TDRD12: variants seen among roughly 807,000 people sequenced by gnomAD.
The protein encoded by TDRD12 is putative ATP-dependent RNA helicase TDRD12.
In TDRD12, 158 loss-of-function variants were observed where a neutral mutation model predicts 133.5. The observed-to-expected ratio is 1.18, with a 90% confidence interval of 1.04 to 1.35. The LOEUF is 1.35. Ranked by LOEUF, TDRD12 falls within the 40% of genes most tolerant of loss-of-function variation. The pLI, the probability that TDRD12 is intolerant of heterozygous loss-of-function variation, is 0.00. For missense variants in TDRD12, 1,443 were observed against 1,321.3 expected, an observed-to-expected ratio of 1.09 and a Z score of -1.43; for synonymous variants, 460 against 477.9, an observed-to-expected ratio of 0.96 and a Z score of 0.49.
intron 2 of TDRD12, 102 bp downstream of exon 2, chr19:32,731,985 T>C: frequency 8.2e-7 from 1 of 1,214,592 alleles, no homozygotes; most frequent in Non-Finnish European, 1.1e-6. Flanking sequence ...AGTATTTTAG[T>C]TTCTTACACT....
intron 6 of TDRD12, among the ~76,000 whole-genome samples, chr19:32,753,813 G>A (rs964464162): frequency 6.6e-5 from 10 of 151,642 alleles, no homozygotes; most frequent in Admixed American, 2.6e-4. Flanking sequence ...CACCACGCCC[G>A]GCTGGCCCCT....
chr19:32,787,035 G>T (rs753331445), intron 11 of TDRD12, among the ~76,000 whole-genome samples: 2 of 152,132 alleles, frequency 1.3e-5, no homozygotes, highest in African/African-American at 2.4e-5. Context: ...CAGCCTTTTT[G>T]CTCTGGTTTC....
At chr19:32,781,970 C>CT (rs1555772137) in intron 11 of TDRD12, among the ~76,000 whole-genome samples, 38 of 148,942 alleles carry the variant, frequency 2.6e-4, no homozygotes, top group East Asian at 2.0e-4. Flanking sequence ...ATATATTTTT[C>CT]TTTTTTTTTT....
intron 17 of TDRD12, 75 bp downstream of exon 17, chr19:32,800,433 C>A: frequency 2.6e-6 from 3 of 1,173,120 alleles, no homozygotes; most frequent in Non-Finnish European, 3.4e-6. Context: ...TGAACACAAG[C>A]AAGTAACTTT....
intron 14 of TDRD12, among the ~76,000 whole-genome samples, chr19:32,795,043 T>C (rs1010439221): frequency 4.6e-5 from 7 of 151,746 alleles, no homozygotes; most frequent in African/African-American, 1.7e-4. Context: ...CTTTTAGAAA[T>C]GGATATGGAG....
intron 11 of TDRD12, among the ~76,000 whole-genome samples, chr19:32,788,611 G>T (rs556067814): frequency 1.3e-5 from 2 of 152,178 alleles, no homozygotes; most frequent in African/African-American, 4.8e-5. Flanking sequence ...TGATTTTTGT[G>T]GGGGAGTTTT....
chr19:32,734,402 ACT>A (rs1473870379), intron 2 of TDRD12, among the ~76,000 whole-genome samples: 1 of 143,604 alleles, frequency 7.0e-6, no homozygotes, highest in East Asian at 2.0e-4. Context: ...TGGGGGTCTC[ACT>A]CTGTCACCCA....
Position 32,777,148 on chromosome 19 carries a change from G to C in TDRD12, c.1041-1G>C. Reference sequence around the variant, plus strand: ...AATGAATTTTTTTTTTTCATTTCTAGTGCTTTAAGTCAGAAGTCAAATGAG... The same window carrying C: ...AATGAATTTTTTTTTTTCATTTCTACTGCTTTAAGTCAGAAGTCAAATGAG... On this transcript the variant is annotated splice_acceptor_variant, in intron 10 of 27. Coordinates refer to ENST00000444215, the Ensembl canonical transcript of TDRD12. LOFTEE classifies it high-confidence loss of function. 6.5e-7 allele frequency: 1 copy of C among 1,530,194 alleles called. No homozygotes were observed. The highest frequency in any genetic ancestry group is 8.8e-7 in the Non-Finnish European group (1 of 1,138,264). The allele number at this position is 1,530,194 out of a possible 1,614,324, so 94.8% of individuals were successfully genotyped here. A position where few individuals can be genotyped will look rare whatever the true frequency, so the allele number is the denominator to read the frequency against.
intron 2 of TDRD12, among the ~76,000 whole-genome samples, chr19:32,733,163 C>G (rs996787205): frequency 2.0e-5 from 3 of 151,948 alleles, no homozygotes; most frequent in African/African-American, 7.3e-5. Context: ...GACAGCGAGA[C>G]TGTCTCTTAA....
At chr19:32,743,983 G>A (rs183139480) in intron 4 of TDRD12, among the ~76,000 whole-genome samples, 293 of 144,778 alleles carry the variant, frequency 2.0e-3, no homozygotes, top group African/African-American at 7.2e-3. Context: ...AGCCGAAATC[G>A]CACCACTGCA....
At chr19:32,744,074 G>T (rs895615705) in intron 4 of TDRD12, among the ~76,000 whole-genome samples, 1 of 150,178 alleles carries the variant, frequency 6.7e-6, no homozygotes, top group Admixed American at 6.6e-5. Flanking sequence ...GTCAACATAC[G>T]TATCTCTTCT....
chr19:32,811,396 C>A (rs1461288535), exon 24 of TDRD12: 21 of 1,536,138 alleles, frequency 1.4e-5, no homozygotes, highest in Non-Finnish European at 1.8e-5. Flanking sequence ...AACCTGCTGA[C>A]AACGAAATAG....
intron 1 of TDRD12, among the ~76,000 whole-genome samples, chr19:32,720,381 C>A (rs1409479942): frequency 1.5e-5 from 1 of 65,908 alleles, no homozygotes; most frequent in Non-Finnish European, 3.1e-5. Flanking sequence ...TCCCCCAACC[C>A]ACACATCCTC....
At chr19:32,817,792 C>A (rs1262353892) in intron 26 of TDRD12, among the ~76,000 whole-genome samples, 2 of 151,046 alleles carry the variant, frequency 1.3e-5, no homozygotes, top group African/African-American at 4.9e-5. Context: ...CAGGTCTCTT[C>A]AGGGCTCTTC....
chr19:32,756,331 G>GTA (rs1969991761), intron 7 of TDRD12, 150 bp downstream of exon 7: 4 of 668,900 alleles, frequency 6.0e-6, no homozygotes, highest in Non-Finnish European at 8.9e-6. Flanking sequence ...GTGACACATT[G>GTA]TAAGGTCTTA....
exon 2 of TDRD12, chr19:32,731,765 G>T (rs1447006105): frequency 6.4e-7 from 1 of 1,550,600 alleles, no homozygotes; most frequent in East Asian, 2.4e-5. Context: ...ATAAAAGGGT[G>T]TAGTCCCTTT....
chr19:32,742,347 G>C (rs956131484), intron 3 of TDRD12, among the ~76,000 whole-genome samples: 1 of 152,090 alleles, frequency 6.6e-6, no homozygotes, highest in South Asian at 2.1e-4. Flanking sequence ...TAGTATAAGA[G>C]ACAGGGTTTC....
At chr19:32,797,924 A>C in intron 15 of TDRD12, 33 bp downstream of exon 15, 3 of 667,468 alleles carry the variant, frequency 4.5e-6, no homozygotes, top group Non-Finnish European at 8.1e-6. Flanking sequence ...TATAAAAGTT[A>C]AAGTATCCTT....
chr19:32,775,105 AT>A (rs1036846117), intron 10 of TDRD12, among the ~76,000 whole-genome samples: 1 of 151,906 alleles, frequency 6.6e-6, no homozygotes, highest in South Asian at 2.1e-4. Flanking sequence ...GTCTACAAAT[AT>A]TTTTTTCTGC....
Sources: allele counts gnomAD v4.1 joint callset (sites outside exome capture counted in the v4.1 genomes callset), GRCh38; gene constraint gnomAD v4.1.1; transcripts MANE v1.5; gene names NCBI Gene and HGNC (gene_info 2026-07-23, HGNC 2026-07-21).